Variants in SLC25A17 observed in about 807,000 individuals in gnomAD.
The protein encoded by SLC25A17 is peroxisomal membrane protein PMP34.
In SLC25A17, 26 loss-of-function variants were observed where a neutral mutation model predicts 38.5. The ratio of observed to expected loss-of-function variants is 0.68; its 90% CI spans 0.50 to 0.94. The LOEUF (loss-of-function observed/expected upper bound fraction) is 0.94, where lower values mean the gene tolerates loss of function less well. Among genes scored for constraint, SLC25A17 ranks in the 40% least tolerant of loss-of-function variants. The pLI is 0.00. For synonymous variants in SLC25A17, 139 were observed against 136.2 expected (o/e 1.02, Z -0.14); for missense variants, 333 against 372.7 (o/e 0.89, Z 0.88).
At chr22:40,773,472 C>T (rs1016668255) in intron 8 of SLC25A17, among the ~76,000 whole-genome samples, 4 of 149,308 alleles carry the variant, frequency 2.7e-5, no homozygotes, top group Non-Finnish European at 4.4e-5. Context: ...AGGTCAGTGT[C>T]TGCCACATGG....
chr22:40,773,188 T>A (rs75203204), intron 8 of SLC25A17, among the ~76,000 whole-genome samples: 4,459 of 152,004 alleles, frequency 0.029, 214 homozygotes, highest in African/African-American at 0.1. Context: ...GAAGGGCAGA[T>A]CACGAGGTCA....
chr22:40,773,667 T>G (rs2145642597), intron 8 of SLC25A17, among the ~76,000 whole-genome samples: 1 of 152,366 alleles, frequency 6.6e-6, no homozygotes, highest in East Asian at 1.9e-4. Context: ...TCAGGGTGAC[T>G]GAAGTATAGA....
At chr22:40,809,640 A>C (rs944685131) in intron 1 of SLC25A17, among the ~76,000 whole-genome samples, 6 of 151,904 alleles carry the variant, frequency 3.9e-5, no homozygotes, top group Admixed American at 6.6e-5. Context: ...CAAAAAAAAA[A>C]CCAAAAAACA....
At chr22:40,819,135 G>A (rs1403987131) in intron 1 of SLC25A17, 60 bp downstream of exon 1, 1 of 1,575,114 alleles carries the variant, frequency 6.3e-7, no homozygotes, top group African/African-American at 1.4e-5. Flanking sequence ...CATATCCCGG[G>A]ACTGGCCCCC....
chr22:40,802,030 G>A (rs1234064330), intron 1 of SLC25A17, among the ~76,000 whole-genome samples: 1 of 152,052 alleles, frequency 6.6e-6, no homozygotes, highest in Non-Finnish European at 1.5e-5. Context: ...GACCTCAGGT[G>A]ATCCACCCGC....
chr22:40,814,417 G>A (rs2057613843), intron 1 of SLC25A17, among the ~76,000 whole-genome samples: 1 of 152,114 alleles, frequency 6.6e-6, no homozygotes, highest in African/African-American at 2.4e-5. Context: ...TTCTCTTGAT[G>A]TTCAATGTTA....
chr22:40,803,455 A>T (rs370051466), intron 1 of SLC25A17, among the ~76,000 whole-genome samples: 1 of 152,208 alleles, frequency 6.6e-6, no homozygotes, highest in African/African-American at 2.4e-5. Flanking sequence ...TTTATTGTCC[A>T]GGTTCATCCA....
chr22:40,817,556 C>A (rs753151501), intron 1 of SLC25A17, among the ~76,000 whole-genome samples: 1 of 152,176 alleles, frequency 6.6e-6, no homozygotes, highest in Non-Finnish European at 1.5e-5. Flanking sequence ...TAAATACCAC[C>A]ATCCCTCCAG....
chr22:40,789,080 T>C lies in SLC25A17; in HGVS notation c.334+3445A>G, dbSNP rs931994199. The C allele has an allele frequency of 9.6e-5, 27 of 280,098 alleles. No homozygotes were observed. The highest frequency in any genetic ancestry group is 5.9e-4 in the African/African-American group (26 of 43,988). The allele number at this position is 280,098 out of a possible 1,614,324, so 17.4% of individuals were successfully genotyped here. A position where few individuals can be genotyped will look rare whatever the true frequency, so the allele number is the denominator to read the frequency against. On this transcript the variant is annotated intron_variant, in intron 4 of 8. Coordinates refer to ENST00000435456, the MANE Select transcript of SLC25A17 (RefSeq NM_006358.4). The surrounding 1 kb of genome is among the most constrained non-coding windows in gnomAD (Gnocchi z 4.5). The stretch of plus-strand genomic sequence containing the variant: ...CTCACCACCATCTTCTGACCATCTC[T>C]ACTTCCAGCACTGGCCCAACCATAA...
At chr22:40,792,449 G>T in intron 4 of SLC25A17, 76 bp downstream of exon 4, 2 of 1,237,884 alleles carry the variant, frequency 1.6e-6, no homozygotes, top group Non-Finnish European at 1.1e-6. Context: ...CATTACTTTG[G>T]GCTAAATAAC....
intron 2 of SLC25A17, among the ~76,000 whole-genome samples, chr22:40,795,874 A>G (rs1270825352): frequency 1.3e-5 from 2 of 151,620 alleles, no homozygotes; most frequent in East Asian, 3.9e-4. Flanking sequence ...TGCAACCTCT[A>G]CCTTCTGGGT....
intron 4 of SLC25A17, among the ~76,000 whole-genome samples, chr22:40,785,249 T>A (rs1459728782): frequency 6.6e-6 from 1 of 152,228 alleles, no homozygotes; most frequent in African/African-American, 2.4e-5. Flanking sequence ...CTGGGCATGA[T>A]GGCTTGCGCC....
chr22:40,779,179 C>T lies in SLC25A17; in HGVS notation c.335-54G>A, dbSNP rs1250005143. On this transcript the variant is annotated intron_variant, in intron 4 of 8. Transcript: ENST00000435456. ...GGAAGGCAAAATGTCAGCTTTTAAG[C>T]TTTGCTGCTTTAAAGCTACATACCA... 1.9e-6 allele frequency: 3 copies of T among 1,613,182 alleles called. No individual in the cohort carries two copies. In the South Asian group the frequency reaches 3.3e-5, roughly 18 times the overall value.
At chr22:40,817,918 T>G (rs1370847720) in intron 1 of SLC25A17, among the ~76,000 whole-genome samples, 1 of 152,092 alleles carries the variant, frequency 6.6e-6, no homozygotes, top group Non-Finnish European at 1.5e-5. Context: ...TCATGCTGGC[T>G]GAAAGGCTCT....
intron 4 of SLC25A17, chr22:40,784,546 A>G: frequency 3.7e-6 from 1 of 271,980 alleles, no homozygotes; most frequent in Non-Finnish European, 8.1e-6. Flanking sequence ...GTCGAGGCAG[A>G]AGAATCTCTT....
intron 4 of SLC25A17, chr22:40,784,395 T>C (rs1008429336): frequency 1.1e-4 from 16 of 152,226 alleles, no homozygotes; most frequent in African/African-American, 3.9e-4. Context: ...AGAAAACATA[T>C]GTACTAAGTT....
intron 4 of SLC25A17, among the ~76,000 whole-genome samples, chr22:40,788,180 C>T (rs921053828): frequency 6.6e-6 from 1 of 152,188 alleles, no homozygotes; most frequent in Non-Finnish European, 1.5e-5. Context: ...CCTTTTTACC[C>T]ATACTTATAC....
At chr22:40,776,974 T>G in intron 7 of SLC25A17, 66 bp downstream of exon 7, 1 of 1,308,854 alleles carries the variant, frequency 7.6e-7, no homozygotes, top group Non-Finnish European at 1.1e-6. Flanking sequence ...AACATTGTTT[T>G]AAATCAAGAG....
intron 1 of SLC25A17, among the ~76,000 whole-genome samples, chr22:40,813,432 G>A (rs2057602962): frequency 6.6e-6 from 1 of 152,144 alleles, no homozygotes; most frequent in Non-Finnish European, 1.5e-5. Flanking sequence ...CAGGTACTCT[G>A]GAGGATGTGG....
Sources: gnomAD v4.1 joint callset for allele counts (sites outside exome capture counted in the v4.1 genomes callset) on GRCh38, gnomAD v4.1.1 for gene constraint, Gnocchi (gnomAD v3.1) non-coding constraint, MANE v1.5 for transcripts, NCBI Gene and HGNC (gene_info 2026-07-23, HGNC 2026-07-21) for gene names.